The following TENM3 variants were observed in gnomAD, a reference collection of about 807,000 sequenced individuals.
The protein encoded by TENM3 is teneurin-3.
In TENM3, 63 loss-of-function variants were observed where a neutral mutation model predicts 255.1. The ratio of observed to expected loss-of-function variants is 0.25; its 90% CI spans 0.20 to 0.30. The LOEUF (loss-of-function observed/expected upper bound fraction) is 0.30, where lower values mean the gene tolerates loss of function less well. Ranked by LOEUF, TENM3 falls within the 10% of genes least tolerant of loss-of-function variation. The probability of loss-of-function intolerance (pLI) is 1.00; values close to 1 mark genes in which losing one functional copy is unlikely to be tolerated. For missense variants in TENM3, 2,929 were observed against 3,461.1 expected (o/e 0.85, Z 3.86); for synonymous variants, 1,306 against 1,322.3 (o/e 0.99, Z 0.27).
At chr4:181,701,188 C>A in the TENM3 span, among the ~76,000 whole-genome samples, 1 of 152,158 alleles carries the variant, frequency 6.6e-6, no homozygotes, top group Non-Finnish European at 1.5e-5. Flanking sequence ...AACAGAGGCA[C>A]TCTCCCACCA....
In TENM3 at chr4:182,579,501, G is replaced by A. The variant is rs143826632; in HGVS notation, c.512-21423G>A. On this transcript the variant is annotated intron_variant, in intron 3 of 27. Coordinates refer to ENST00000511685, the MANE Select transcript of TENM3 (RefSeq NM_001080477.4). Reference sequence around the variant, plus strand: ...TAGAAAATGGGGATTTCAGTGGAAAGGTGAAATAGTTGAGAAAGAGGAGGA... The same window carrying A: ...TAGAAAATGGGGATTTCAGTGGAAAAGTGAAATAGTTGAGAAAGAGGAGGA... Among the ~76,000 whole-genome samples, 413 of 152,290 alleles carry A rather than the reference G, an allele frequency of 2.7e-3. 1 individual carries two copies. The highest frequency in any genetic ancestry group is 9.1e-3 in the African/African-American group (378 of 41,568).
chr4:181,585,082 G>T, the TENM3 span, among the ~76,000 whole-genome samples: 1 of 150,468 alleles, frequency 6.6e-6, no homozygotes, highest in Non-Finnish European at 1.5e-5. Flanking sequence ...CATATGATGC[G>T]ATCACTAACT....
intron 3 of TENM3, among the ~76,000 whole-genome samples, chr4:182,426,097 C>T (rs1167382655): frequency 3.3e-5 from 5 of 149,618 alleles, no homozygotes; most frequent in African/African-American, 4.9e-5. Context: ...CTTCCCAAAA[C>T]GTTCTAAACA....
the TENM3 span, among the ~76,000 whole-genome samples, chr4:181,938,387 T>C: frequency 3.3e-5 from 5 of 152,314 alleles, no homozygotes; most frequent in Admixed American, 1.3e-4. Flanking sequence ...TCAATTTTCT[T>C]ATTTTAAAAC....
At chr4:182,438,587 A>C (rs975477401) in intron 3 of TENM3, among the ~76,000 whole-genome samples, 1 of 152,176 alleles carries the variant, frequency 6.6e-6, no homozygotes, top group African/African-American at 2.4e-5. Context: ...CCCTGCCAGA[A>C]ATTCCTTGAA....
chr4:182,468,206 G>C (rs940941643), intron 3 of TENM3, among the ~76,000 whole-genome samples: 1 of 152,150 alleles, frequency 6.6e-6, no homozygotes, highest in South Asian at 2.1e-4. Context: ...GGGTAATGTA[G>C]GGGAGACTGT....
At chr4:181,997,532 A>G in the TENM3 span, among the ~76,000 whole-genome samples, 18 of 152,156 alleles carry the variant, frequency 1.2e-4, no homozygotes, top group African/African-American at 4.1e-4. Context: ...ATTGCATTTC[A>G]TGAAAGGCCC....
chr4:182,285,856 A>G (rs1292137358), intron 1 of TENM3, among the ~76,000 whole-genome samples: 1 of 148,298 alleles, frequency 6.7e-6, no homozygotes, highest in East Asian at 1.9e-4. Flanking sequence ...AACCATAAAA[A>G]GAAAAAAAAA....
chr4:182,742,103 C>G (rs1294778375), intron 18 of TENM3, among the ~76,000 whole-genome samples: 1 of 152,172 alleles, frequency 6.6e-6, no homozygotes, highest in African/African-American at 2.4e-5. Flanking sequence ...CAGATGATAA[C>G]ACATTGAGAA....
In TENM3 at chr4:182,653,755, TG is replaced by T; in HGVS notation, c.989-15del. The T allele has an allele frequency of 6.3e-7, 1 of 1,597,952 alleles. No individual in the cohort carries two copies. The highest frequency in any genetic ancestry group is 8.5e-7 in the Non-Finnish European group (1 of 1,172,364). ...AGGCAGCAGATCTTTAAACAACTTG[TG>T]TTCTTTACCCCCAGCAATGCATCTC... On this transcript the variant is annotated splice_polypyrimidine_tract_variant and intron_variant, in intron 5 of 27. Transcript: ENST00000511685.
At chr4:182,365,548 G>T (rs1215515436) in intron 3 of TENM3, among the ~76,000 whole-genome samples, 1 of 152,216 alleles carries the variant, frequency 6.6e-6, no homozygotes. Context: ...GATTCTAGGT[G>T]CCAAGAAGTT....
At chr4:182,518,541 T>C (rs1580809019) in intron 3 of TENM3, among the ~76,000 whole-genome samples, 2 of 151,246 alleles carry the variant, frequency 1.3e-5, no homozygotes, top group African/African-American at 4.9e-5. Context: ...CAAACTGCTG[T>C]GTTATGAAGC....
In TENM3 at chr4:182,171,596, TG is replaced by T. The variant is rs1420834803; in HGVS notation, c.-76+26845del. ...CTCCTACCGCAGTCTCTCAGTCTCT[TG>T]GGTAGTTATTTTTAACTTAAAATTT... On this transcript the variant is annotated intron_variant, in intron 1 of 2. Coordinates refer to the TENM3 transcript ENST00000512480. 2.0e-5 allele frequency among the ~76,000 whole-genome samples: 3 copies of T among 152,198 alleles called. No individual in the cohort carries two copies. In the South Asian group the frequency reaches 6.2e-4, roughly 31 times the overall value.
intron 1 of TENM3, among the ~76,000 whole-genome samples, chr4:182,306,093 C>CAGG (rs1403151884): frequency 1.3e-5 from 2 of 152,180 alleles, no homozygotes; most frequent in African/African-American, 4.8e-5. Flanking sequence ...GTTACACAAA[C>CAGG]CTGTACTTCA....
chr4:181,570,928 G>T, the TENM3 span, among the ~76,000 whole-genome samples: 1 of 152,198 alleles, frequency 6.6e-6, no homozygotes, highest in African/African-American at 2.4e-5. Context: ...CACTGGCAGT[G>T]GGGAAGAAGT....
chr4:181,941,657 TC>T, the TENM3 span, among the ~76,000 whole-genome samples: 5 of 151,882 alleles, frequency 3.3e-5, no homozygotes, highest in Non-Finnish European at 5.9e-5. Flanking sequence ...TCTTTTCTTT[TC>T]ATCTGATCAC....
chr4:181,656,692 A>T, the TENM3 span, among the ~76,000 whole-genome samples: 1 of 152,206 alleles, frequency 6.6e-6, no homozygotes, highest in Non-Finnish European at 1.5e-5. Flanking sequence ...ATCTGAGGAC[A>T]ATGTAAAAAT....
At chr4:182,028,648 A>C in the TENM3 span, among the ~76,000 whole-genome samples, 2 of 151,990 alleles carry the variant, frequency 1.3e-5, no homozygotes, top group Non-Finnish European at 2.9e-5. Flanking sequence ...TTGTGTTTCC[A>C]CTATCATTTG....
chr4:182,738,562 G>A lies in TENM3; in HGVS notation c.3379+18G>A, dbSNP rs755073611. 1.6e-5 allele frequency: 25 copies of A among 1,598,258 alleles called. No individual in the cohort carries two copies. In the South Asian group the frequency reaches 2.7e-4, roughly 17 times the overall value. On this transcript the variant is annotated intron_variant, in intron 18 of 27. Coordinates refer to ENST00000511685, the MANE Select transcript of TENM3 (RefSeq NM_001080477.4). ...ACAGAACGGTAAGCTCTTGTTCATA[G>A]ATAACTGATGTTGTAATGTATTGTT...
Sources: allele counts gnomAD v4.1 joint callset (sites outside exome capture counted in the v4.1 genomes callset), GRCh38; gene constraint gnomAD v4.1.1; transcripts MANE v1.5; gene names NCBI Gene and HGNC (gene_info 2026-07-23, HGNC 2026-07-21).